The following PKD1L1 variants were observed in gnomAD, a reference collection of about 807,000 sequenced individuals.
PKD1L1 encodes polycystin-1-like protein 1.
In PKD1L1, 236 loss-of-function variants were observed where a neutral mutation model predicts 323.4. The ratio of observed to expected loss-of-function variants is 0.73; its 90% CI spans 0.66 to 0.81. PKD1L1 has a LOEUF of 0.81. PKD1L1 is among the 40% of genes least tolerant of loss of function. The pLI is 0.00. For missense variants in PKD1L1, 3,320 were observed against 3,508.0 expected (o/e 0.95, Z 1.35); for synonymous variants, 1,344 against 1,335.0 (o/e 1.01, Z -0.15).
chr7:47,920,197 T>C (rs1293451345), intron 7 of PKD1L1, among the ~76,000 whole-genome samples: 1 of 151,518 alleles, frequency 6.6e-6, no homozygotes. Context: ...ACACAATCAG[T>C]AGGTCTTCTA....
At chr7:47,833,662 C>T (rs1785396408) in intron 40 of PKD1L1, among the ~76,000 whole-genome samples, 1 of 152,102 alleles carries the variant, frequency 6.6e-6, no homozygotes, top group Non-Finnish European at 1.5e-5. Context: ...AGCAGCGGAT[C>T]GAGAGTACCA....
chr7:47,913,027 G>A (rs1346409531), intron 8 of PKD1L1, among the ~76,000 whole-genome samples: 1 of 152,012 alleles, frequency 6.6e-6, no homozygotes, highest in Admixed American at 6.6e-5. Flanking sequence ...GGGCCTGAGA[G>A]TCTGTATTCT....
intron 31 of PKD1L1, among the ~76,000 whole-genome samples, chr7:47,852,137 G>C (rs1424954691): frequency 6.6e-6 from 1 of 152,066 alleles, no homozygotes; most frequent in African/African-American, 2.4e-5. Flanking sequence ...CTCTCTAACG[G>C]CTTGTCCTCT....
chr7:47,854,735 C>T (rs1269998078), intron 30 of PKD1L1, 147 bp downstream of exon 30: 4 of 1,014,890 alleles, frequency 3.9e-6, no homozygotes, highest in Non-Finnish European at 5.8e-6. Flanking sequence ...AGCATCCAAA[C>T]AGCAGAATAG....
In PKD1L1 at chr7:47,948,288, G is replaced by A. The variant is rs189150062; in HGVS notation, c.44+109C>T. 1.1e-4 allele frequency: 140 copies of A among 1,303,708 alleles called. No homozygotes were observed. The African/African-American group carries it at 1.8e-3, about 16-fold the overall frequency. 80.8% of individuals were successfully genotyped at this position (1,303,708 alleles called of 1,614,324 possible). A position where few individuals can be genotyped will look rare whatever the true frequency, so the allele number is the denominator to read the frequency against. ...CCCTCCTGGTACAGGGCCTCCACTC[G>A]TGCCAGAGTGAGCCCACATCCTAGA... On this transcript the variant is annotated intron_variant, in intron 1 of 56. Coordinates refer to ENST00000289672, the MANE Select transcript of PKD1L1 (RefSeq NM_138295.5).
intron 53 of PKD1L1, among the ~76,000 whole-genome samples, chr7:47,802,131 G>T (rs537901172): frequency 5.3e-4 from 79 of 149,344 alleles, no homozygotes; most frequent in African/African-American, 1.6e-3. Context: ...GCGGAGCTTT[G>T]CAGTGAGCCG....
At chr7:47,859,232 C>T (rs1785972142) in intron 26 of PKD1L1, among the ~76,000 whole-genome samples, 1 of 152,142 alleles carries the variant, frequency 6.6e-6, no homozygotes, top group African/African-American at 2.4e-5. Context: ...TTTTAAACCC[C>T]AACGACCACT....
intron 9 of PKD1L1, among the ~76,000 whole-genome samples, chr7:47,906,277 A>G (rs1212379437): frequency 6.6e-6 from 1 of 152,202 alleles, no homozygotes; most frequent in Non-Finnish European, 1.5e-5. Context: ...ATTTCTCAAT[A>G]TGTACACTAA....
chr7:47,937,305 G>A lies in PKD1L1; in HGVS notation c.286-347C>T, dbSNP rs1458551742. Reference sequence around the variant, plus strand: ...TTTTTTATACACAGGGTCAGAGAAGGCCGCTGTGTGTGACGACATCTAAGC... The same window carrying A: ...TTTTTTATACACAGGGTCAGAGAAGACCGCTGTGTGTGACGACATCTAAGC... On this transcript the variant is annotated intron_variant, in intron 3 of 56. Coordinates refer to ENST00000289672, the MANE Select transcript of PKD1L1 (RefSeq NM_138295.5). Among the ~76,000 whole-genome samples the A allele has an allele frequency of 6.6e-5, 10 of 151,110 alleles. 1 individual carries two copies. Among genetic ancestry groups the A allele is most frequent in the Non-Finnish European group, 1.5e-5 (1 of 67,856 alleles).
intron 7 of PKD1L1, 74 bp downstream of exon 7, chr7:47,929,130 C>T: frequency 1.4e-6 from 2 of 1,452,122 alleles, no homozygotes; most frequent in Non-Finnish European, 9.4e-7. Flanking sequence ...TTTTCTTTTC[C>T]CAACACTGCC....
Position 47,931,287 on chromosome 7 carries a change from C to T in PKD1L1, c.554G>A (p.Ser185Asn). Residue 185 changes from serine (S) to asparagine (N), a missense_variant, in exon 6 of 57, where the codon AGC becomes AAC. By Grantham distance (46) the Ser-to-Asn change is conservative (BLOSUM62 1). Coordinates refer to ENST00000289672, the MANE Select transcript of PKD1L1 (RefSeq NM_138295.5). ...ACAGCAGGAAGCCTCCATCTTCAGG[C>T]TGCAGGGAGCTGCTGCAGAAGTGGT... is the stretch of plus-strand genomic sequence containing the variant. ...QGTTSAAAPC[S>N]LKMEASCCVL... 1.9e-6 allele frequency: 3 copies of T among 1,614,250 alleles called. No individual in the cohort carries two copies. Among genetic ancestry groups the T allele is most frequent in the Non-Finnish European group, 2.5e-6 (3 of 1,180,056 alleles).
intron 52 of PKD1L1, among the ~76,000 whole-genome samples, chr7:47,806,392 A>C (rs1363940695): frequency 6.6e-6 from 1 of 152,216 alleles, no homozygotes; most frequent in Non-Finnish European, 1.5e-5. Context: ...GCATGTCGGC[A>C]TTGTAGCCCA....
At chr7:47,791,804 T>C (rs927168759) in intron 56 of PKD1L1, among the ~76,000 whole-genome samples, 1 of 152,196 alleles carries the variant, frequency 6.6e-6, no homozygotes, top group Non-Finnish European at 1.5e-5. Flanking sequence ...CACTCAGTCA[T>C]GTGAACATGA....
At chr7:47,861,890 A>AAC (rs1332481421) in intron 26 of PKD1L1, among the ~76,000 whole-genome samples, 1 of 148,266 alleles carries the variant, frequency 6.7e-6, no homozygotes, top group Non-Finnish European at 1.5e-5. Flanking sequence ...CAAAAAAAAA[A>AAC]AAAAAAAAAA....
At chr7:47,831,149 G>A in intron 42 of PKD1L1, 68 bp downstream of exon 42, 1 of 1,542,942 alleles carries the variant, frequency 6.5e-7, no homozygotes, top group Non-Finnish European at 8.8e-7. Flanking sequence ...GAAATGCAGG[G>A]ATTTGTTTAC....
At chr7:47,948,055 C>A (rs1032808007) in intron 1 of PKD1L1, among the ~76,000 whole-genome samples, 3 of 152,196 alleles carry the variant, frequency 2.0e-5, no homozygotes, top group African/African-American at 7.2e-5. Context: ...AGGGACCTAG[C>A]AGACAAGCAG....
At chr7:47,953,266 A>C (rs1413145541), upstream of PKD1L1, among the ~76,000 whole-genome samples, 1 of 152,234 alleles carries the variant, frequency 6.6e-6, no homozygotes, top group East Asian at 1.9e-4. Context: ...GCCCTCAAGC[A>C]CTTATTTTGA....
rs769090412 is a variant in PKD1L1, at chr7:47,811,809, C to T, written c.7581+8G>A. 2 of 1,589,786 alleles carry T rather than the reference C, an allele frequency of 1.3e-6. No homozygotes were observed. The highest frequency in any genetic ancestry group is 1.1e-5 in the South Asian group (1 of 86,962). ...CCTCCAGGAGGCCCAAGAGGCAGGT[C>T]AGCTCACCTGGGGAAGCATGAGGTG... On this transcript the variant is annotated splice_region_variant and intron_variant, in intron 50 of 56. Transcript: ENST00000289672.
intron 19 of PKD1L1, 52 bp downstream of exon 19, chr7:47,884,546 C>T: frequency 6.6e-7 from 1 of 1,507,462 alleles, no homozygotes; most frequent in Non-Finnish European, 9.2e-7. Flanking sequence ...TGCAGAAAGG[C>T]TGTGGAGGAG....
Sources: gnomAD v4.1 joint callset for allele counts (sites outside exome capture counted in the v4.1 genomes callset) on GRCh38, gnomAD v4.1.1 for gene constraint, MANE v1.5 for transcripts, NCBI Gene and HGNC (gene_info 2026-07-23, HGNC 2026-07-21) for gene names.